Variants in TPTE observed in about 807,000 individuals in gnomAD.
TPTE encodes the protein transmembrane phosphatase with tensin homology.
TPTE carries 59 observed loss-of-function variants against 84.1 expected under a neutral mutation model. The ratio of observed to expected loss-of-function variants is 0.70; its 90% CI spans 0.57 to 0.87. TPTE has a LOEUF of 0.87. Among genes scored for constraint, TPTE ranks in the 40% least tolerant of loss-of-function variants. The probability of loss-of-function intolerance (pLI) is 0.00; values close to 1 mark genes in which losing one functional copy is unlikely to be tolerated. For synonymous variants in TPTE, 130 were observed against 223.5 expected (o/e 0.58, Z 3.73); for missense variants, 382 against 659.6 (o/e 0.58, Z 4.61).
intron 14 of TPTE, among the ~76,000 whole-genome samples, chr21:10,571,260 C>T (rs1484440059): frequency 6.6e-6 from 1 of 152,308 alleles, no homozygotes; most frequent in Admixed American, 6.5e-5. Flanking sequence ...ATGCTGATTA[C>T]AGCCAAAAAA....
intron 21 of TPTE, among the ~76,000 whole-genome samples, chr21:10,599,717 T>G (rs1366919439): frequency 6.6e-6 from 1 of 152,310 alleles, no homozygotes; most frequent in African/African-American, 2.4e-5. Context: ...TACCTGAGCT[T>G]TTTTCCATGA....
intron 10 of TPTE, among the ~76,000 whole-genome samples, chr21:10,564,963 C>A (rs1431988467): frequency 2.0e-5 from 3 of 152,302 alleles, no homozygotes; most frequent in African/African-American, 7.2e-5. Context: ...CCCACTTTTA[C>A]CACCGTTGTT....
chr21:10,521,860 A>C (rs2073982625), intron 1 of TPTE, among the ~76,000 whole-genome samples, 166 bp downstream of exon 1: 2 of 152,314 alleles, frequency 1.3e-5, no homozygotes, highest in South Asian at 4.1e-4. Flanking sequence ...CGGGCGCGGA[A>C]TCCGGGAGGT....
chr21:10,555,669 C>T (rs144528749), intron 8 of TPTE, among the ~76,000 whole-genome samples: 3,750 of 150,946 alleles, frequency 0.025, 1 homozygote, highest in African/African-American at 0.089. Context: ...TTTTATTTAT[C>T]ATCTTTTTCT....
chr21:10,541,121 G>C lies in TPTE; in HGVS notation c.21G>C (p.Pro7=), dbSNP rs374325784. The change falls in exon 5 of 24, where the codon CCG becomes CCC. Residue 7 remains proline, a synonymous_variant. Transcript: ENST00000618007. The part of the protein sequence containing the change: MNESPD[P]TDLAGVIIEL... ...CATATTTGTCCTTTAGTCCTGATCC[G>C]ACTGACCTGGCGGGAGTCATCATTG... 2 of 1,613,070 alleles carry C rather than the reference G, an allele frequency of 1.2e-6. No homozygotes were observed.
chr21:10,564,570 A>T (rs951719732), intron 10 of TPTE, among the ~76,000 whole-genome samples: 3 of 152,308 alleles, frequency 2.0e-5, no homozygotes, highest in African/African-American at 7.2e-5. Context: ...ACATGCTAAT[A>T]TATCTGATAA....
intron 10 of TPTE, among the ~76,000 whole-genome samples, chr21:10,562,042 A>T (rs1287273607): frequency 1.3e-5 from 2 of 152,418 alleles, no homozygotes; most frequent in East Asian, 3.9e-4. Context: ...GAACAGAGAG[A>T]GAGACTCTGT....
At chr21:10,543,540 A>G (rs1220897819) in intron 7 of TPTE, among the ~76,000 whole-genome samples, 158 bp downstream of exon 7, 1 of 152,286 alleles carries the variant, frequency 6.6e-6, no homozygotes, top group African/African-American at 2.4e-5. Context: ...GGAAACACAA[A>G]ACACGGAGAC....
intron 14 of TPTE, among the ~76,000 whole-genome samples, chr21:10,571,827 C>T (rs1463916158): frequency 1.3e-4 from 20 of 152,270 alleles, no homozygotes; most frequent in Admixed American, 9.2e-4. Context: ...ATTAACACGG[C>T]GAAATCCTGT....
At chr21:10,544,002 C>T (rs370475175) in intron 7 of TPTE, among the ~76,000 whole-genome samples, 11 of 152,420 alleles carry the variant, frequency 7.2e-5, no homozygotes, top group Non-Finnish European at 1.0e-4. Flanking sequence ...CTCAGGTGTG[C>T]GGGTACTTCA....
intron 7 of TPTE, among the ~76,000 whole-genome samples, chr21:10,551,601 A>C (rs2074575580): frequency 6.6e-6 from 1 of 152,300 alleles, no homozygotes; most frequent in African/African-American, 2.4e-5. Context: ...AAATAAACAC[A>C]TTTGAGGCAA....
At chr21:10,556,308 T>C (rs1297046855) in intron 8 of TPTE, among the ~76,000 whole-genome samples, 6 of 152,428 alleles carry the variant, frequency 3.9e-5, no homozygotes, top group Non-Finnish European at 8.8e-5. Context: ...TTTTCTGACC[T>C]TGCGGTAGCT....
At chr21:10,579,807 G>A (rs1365037155) in intron 17 of TPTE, among the ~76,000 whole-genome samples, 12 of 152,294 alleles carry the variant, frequency 7.9e-5, no homozygotes, top group Middle Eastern at 3.2e-3. Flanking sequence ...TGACTCCATA[G>A]CTTGGGTATT....
At chr21:10,572,649 A>C (rs210515) in intron 14 of TPTE, among the ~76,000 whole-genome samples, 10,534 of 137,758 alleles carry the variant, frequency 0.076, 1 homozygote, top group African/African-American at 0.23. Context: ...TACGATACCT[A>C]GTAGAGCTAT....
chr21:10,527,965 T>A lies in TPTE; in HGVS notation c.-44+553T>A, dbSNP rs372782163. Among the ~76,000 whole-genome samples the A allele has an allele frequency of 5.3e-4, 81 of 152,398 alleles. No individual in the cohort carries two copies. The East Asian group carries it at 0.014, about 27-fold the overall frequency. ...TGTGCCTACAAATGGGACATGAATTTGAAGGAAATTTAAGTTAAATTTGCT... is the reference window on the plus strand; with the variant it reads ...TGTGCCTACAAATGGGACATGAATTAGAAGGAAATTTAAGTTAAATTTGCT... On this transcript the variant is annotated intron_variant, in intron 3 of 23. Transcript: ENST00000618007.
intron 21 of TPTE, among the ~76,000 whole-genome samples, chr21:10,598,445 C>T (rs1218062984): frequency 1.3e-5 from 2 of 152,306 alleles, no homozygotes; most frequent in Non-Finnish European, 2.9e-5. Flanking sequence ...GTCATTTGAT[C>T]TTTTGTTATA....
intron 4 of TPTE, among the ~76,000 whole-genome samples, chr21:10,540,086 C>A (rs1485841298): frequency 6.6e-6 from 1 of 152,306 alleles, no homozygotes; most frequent in Non-Finnish European, 1.5e-5. Context: ...GAACTGAAAA[C>A]CTTAAGTCTA....
At chr21:10,572,015 A>C (rs1303038339) in intron 14 of TPTE, among the ~76,000 whole-genome samples, 1 of 152,304 alleles carries the variant, frequency 6.6e-6, no homozygotes, top group African/African-American at 2.4e-5. Context: ...AAAAAAAAAA[A>C]AAAAATACAA....
At chr21:10,586,210 C>T (rs1349801508) in intron 17 of TPTE, among the ~76,000 whole-genome samples, 3 of 152,284 alleles carry the variant, frequency 2.0e-5, no homozygotes, top group Non-Finnish European at 4.4e-5. Flanking sequence ...TACAAGTTTT[C>T]CTCTAAGAAT....
Sources: allele counts gnomAD v4.1 joint callset (sites outside exome capture counted in the v4.1 genomes callset), GRCh38; gene constraint gnomAD v4.1.1; transcripts MANE v1.5; gene names NCBI Gene and HGNC (gene_info 2026-07-23, HGNC 2026-07-21).